Variants in TSGA10 observed in about 807,000 individuals in gnomAD.
TSGA10 encodes testis-specific gene 10 protein.
A neutral mutation model predicts 96.6 loss-of-function variants in TSGA10; 43 were observed. That is an observed-to-expected ratio of 0.44 (90% CI 0.35 to 0.57). The LOEUF (loss-of-function observed/expected upper bound fraction) is 0.57. Among genes scored for constraint, TSGA10 ranks in the 20% least tolerant of loss-of-function variants. TSGA10 has a pLI of 0.01. For missense variants in TSGA10, 703 were observed against 834.4 expected (o/e 0.84, Z 1.94); for synonymous variants, 229 against 269.9 (o/e 0.85, Z 1.48).
chr2:99,122,749 C>T (rs1035908663), intron 2 of TSGA10, among the ~76,000 whole-genome samples: 5 of 151,674 alleles, frequency 3.3e-5, no homozygotes, highest in African/African-American at 4.8e-5. Context: ...AGAGATGATG[C>T]CACTGCACTA....
At chr2:99,001,145 G>C (rs896994442) in intron 20 of TSGA10, among the ~76,000 whole-genome samples, 4 of 152,158 alleles carry the variant, frequency 2.6e-5, no homozygotes, top group Admixed American at 1.3e-4. Flanking sequence ...TGGAGTTTGA[G>C]ATCTGAGAAC....
intron 11 of TSGA10, among the ~76,000 whole-genome samples, chr2:99,080,569 C>T (rs1406830596): frequency 6.6e-6 from 1 of 152,008 alleles, no homozygotes; most frequent in East Asian, 1.9e-4. Context: ...CTTAAAATAC[C>T]CAAATGTGAG....
In TSGA10 at chr2:99,102,900, A is replaced by C. The variant is rs1039388743; in HGVS notation, c.611+1067T>G. The C allele has an allele frequency of 2.4e-5, 16 of 664,132 alleles. No homozygotes were observed. In the Admixed American group the frequency reaches 4.2e-4, roughly 17 times the overall value. 41.1% of individuals were successfully genotyped at this position (664,132 alleles called of 1,614,324 possible). ...TTTATATTTGTCTTTGTATTTTATA[A>C]GATACTCTGTAATGTCATGTTTGTA... On this transcript the variant is annotated intron_variant, in intron 10 of 20. Coordinates refer to ENST00000393483, the MANE Select transcript of TSGA10 (RefSeq NM_025244.4).
chr2:99,036,637 A>G (rs559416458), intron 16 of TSGA10, among the ~76,000 whole-genome samples: 20 of 152,272 alleles, frequency 1.3e-4, no homozygotes, highest in African/African-American at 4.6e-4. Context: ...AATAAATTAA[A>G]GATACTTATA....
chr2:99,090,584 A>T (rs760136538), intron 10 of TSGA10, among the ~76,000 whole-genome samples: 49 of 152,184 alleles, frequency 3.2e-4, no homozygotes, highest in Non-Finnish European at 2.9e-4. Context: ...ATAAAAAACA[A>T]TCACAACTTC....
intron 4 of TSGA10, among the ~76,000 whole-genome samples, chr2:99,115,661 C>G (rs1179021326): frequency 6.6e-6 from 1 of 151,990 alleles, no homozygotes; most frequent in East Asian, 1.9e-4. Context: ...GGGCGGATCA[C>G]TTCAGGTCAG....
intron 16 of TSGA10, among the ~76,000 whole-genome samples, chr2:99,039,059 C>A (rs1408820428): frequency 6.6e-6 from 1 of 151,816 alleles, no homozygotes; most frequent in East Asian, 1.9e-4. Flanking sequence ...ACAATGAAAT[C>A]GAGATGGAAA....
intron 16 of TSGA10, among the ~76,000 whole-genome samples, chr2:99,039,886 G>C (rs889127066): frequency 6.6e-6 from 1 of 151,988 alleles, no homozygotes; most frequent in African/African-American, 2.4e-5. Context: ...ATACTAGCTA[G>C]CCGAATCCAA....
At chr2:99,045,288 T>G (rs2082644923) in intron 16 of TSGA10, among the ~76,000 whole-genome samples, 2 of 151,956 alleles carry the variant, frequency 1.3e-5, no homozygotes. Context: ...ATTGTCAGAT[T>G]CACCAAAATT....
chr2:99,006,174 T>C (rs1431031952), intron 20 of TSGA10, among the ~76,000 whole-genome samples: 5 of 152,164 alleles, frequency 3.3e-5, no homozygotes, highest in Non-Finnish European at 5.9e-5. Context: ...ATGTTTGACC[T>C]AAAACCATAA....
intron 10 of TSGA10, among the ~76,000 whole-genome samples, chr2:99,098,655 CTAA>C (rs1423747297): frequency 2.6e-5 from 4 of 151,612 alleles, no homozygotes; most frequent in Admixed American, 6.6e-5. Context: ...TTGGAAAAAA[CTAA>C]TAATAACCAC....
chr2:99,117,527 C>T lies in TSGA10; in HGVS notation c.-140+17G>A, dbSNP rs780338301. On this transcript the variant is annotated intron_variant, in intron 4 of 20. Coordinates refer to ENST00000393483, the MANE Select transcript of TSGA10 (RefSeq NM_025244.4). ...TTAAAGTAAAATTAAAATCCTTATC[C>T]GTGGTAAATCTGGTACCTTGGCTTC... 59 of 978,170 alleles carry T rather than the reference C, an allele frequency of 6.0e-5. No individual in the cohort carries two copies. Among genetic ancestry groups the T allele is most frequent in the Non-Finnish European group, 6.4e-5 (53 of 823,124 alleles). The allele number at this position is 978,170 out of a possible 1,614,324, so 60.6% of individuals were successfully genotyped here. A position where few individuals can be genotyped will look rare whatever the true frequency, so the allele number is the denominator to read the frequency against.
At chr2:99,062,231 G>A (rs1182949496) in intron 16 of TSGA10, among the ~76,000 whole-genome samples, 1 of 151,862 alleles carries the variant, frequency 6.6e-6, no homozygotes, top group Admixed American at 6.6e-5. Flanking sequence ...ACCAAGAAGT[G>A]AGCACAGATG....
At chr2:99,055,863 A>C (rs2083923083) in intron 16 of TSGA10, among the ~76,000 whole-genome samples, 1 of 60,226 alleles carries the variant, frequency 1.7e-5, no homozygotes, top group Non-Finnish European at 2.8e-5. Context: ...CAATTAACAA[A>C]AAAAAAAAAA....
At chr2:99,144,018 C>CT (rs36036293) in intron 1 of TSGA10, among the ~76,000 whole-genome samples, 76,497 of 151,360 alleles carry the variant, frequency 0.51, 21,204 homozygotes, top group Middle Eastern at 0.7. Flanking sequence ...TGCTGTGTTC[C>CT]TTTTTTTTGT....
At chr2:98,999,745 T>G (rs564822655) in intron 20 of TSGA10, among the ~76,000 whole-genome samples, 10 of 152,210 alleles carry the variant, frequency 6.6e-5, no homozygotes, top group Non-Finnish European at 1.3e-4. Context: ...CTATTTTATT[T>G]ATACTGTTCT....
intron 10 of TSGA10, among the ~76,000 whole-genome samples, chr2:99,081,823 T>G (rs192429830): frequency 1.8e-4 from 25 of 136,546 alleles, no homozygotes; most frequent in Admixed American, 8.3e-4. Context: ...AGATATACCA[T>G]TAGTGAGAAG....
intron 2 of TSGA10, among the ~76,000 whole-genome samples, chr2:99,123,750 G>T (rs2092693538): frequency 6.6e-6 from 1 of 152,068 alleles, no homozygotes; most frequent in Non-Finnish European, 1.5e-5. Context: ...GTCTTCCTAT[G>T]TCTGGCTTAT....
intron 20 of TSGA10, among the ~76,000 whole-genome samples, chr2:99,015,535 C>A (rs988274557): frequency 2.6e-5 from 4 of 152,106 alleles, no homozygotes; most frequent in Non-Finnish European, 5.9e-5. Flanking sequence ...ACACCCACAG[C>A]CAACATTATA....
Sources: allele counts gnomAD v4.1 joint callset (sites outside exome capture counted in the v4.1 genomes callset), GRCh38; gene constraint gnomAD v4.1.1; transcripts MANE v1.5; gene names NCBI Gene and HGNC (gene_info 2026-07-23, HGNC 2026-07-21).